PIGU: variants seen among roughly 807,000 people sequenced by gnomAD.
PIGU encodes the protein phosphatidylinositol glycan anchor biosynthesis class U, also known as GPI-anchor transamidase component PIGU.
In PIGU, 24 loss-of-function variants were observed where a neutral mutation model predicts 49.9. The ratio of observed to expected loss-of-function variants is 0.48; its 90% CI spans 0.35 to 0.68. The LOEUF is 0.68. Among genes scored for constraint, PIGU ranks in the 30% least tolerant of loss-of-function variants. PIGU has a pLI of 0.01. For missense variants in PIGU, 490 were observed against 532.6 expected (o/e 0.92, Z 0.79); for synonymous variants, 220 against 205.7 (o/e 1.07, Z -0.59).
chr20:34,563,397 G>A (rs1341973947), intron 11 of PIGU, among the ~76,000 whole-genome samples: 2 of 151,722 alleles, frequency 1.3e-5, no homozygotes, highest in East Asian at 1.9e-4. Context: ...GAGAAACCCC[G>A]TCTCTACTAA....
intron 1 of PIGU, among the ~76,000 whole-genome samples, chr20:34,675,071 A>T (rs1987452628): frequency 6.6e-6 from 1 of 151,728 alleles, no homozygotes; most frequent in Admixed American, 6.6e-5. Context: ...CAACATGGAG[A>T]ACCCCTGTCT....
At chr20:34,591,926 G>A (rs1053998699) in intron 7 of PIGU, among the ~76,000 whole-genome samples, 22 of 152,142 alleles carry the variant, frequency 1.4e-4, no homozygotes, top group African/African-American at 5.3e-4. Flanking sequence ...GTTGGCTCAC[G>A]CCTGTAATCC....
At chr20:34,644,312 T>G (rs1048148243) in intron 3 of PIGU, 86 bp from the exon 4 acceptor site, 8 of 1,103,200 alleles carry the variant, frequency 7.3e-6, no homozygotes, top group South Asian at 1.3e-5. Flanking sequence ...AGTTTTGAGA[T>G]AGTGATGGAC....
In PIGU at chr20:34,668,478, AAAAAAGG is replaced by A. The variant is rs1241309110; in HGVS notation, c.130+8471_130+8477del. ...CTCCGTCTCAAAAAAAAAAAAAAAAAAAAAAGGGGGGGGCGGGCGTGCTGGCTCACAC... is the reference window on the plus strand; with the variant it reads ...CTCCGTCTCAAAAAAAAAAAAAAAAAGGGGGGCGGGCGTGCTGGCTCACAC... On this transcript the variant is annotated intron_variant, in intron 1 of 11. Transcript: ENST00000217446. Among the ~76,000 whole-genome samples the A allele has an allele frequency of 2.3e-3, 312 of 134,218 alleles. 5 individuals carry two copies. Among genetic ancestry groups the A allele is most frequent in the African/African-American group, 9.2e-3 (298 of 32,296 alleles). The allele number at this position is 134,218 out of a possible 152,430, so 88.1% of individuals were successfully genotyped here.
chr20:34,589,649 C>CTTTTT (rs34119895), intron 7 of PIGU, among the ~76,000 whole-genome samples: 3 of 53,688 alleles, frequency 5.6e-5, no homozygotes, highest in Non-Finnish European at 9.5e-5. Flanking sequence ...CTGCACCTGG[C>CTTTTT]TTTTTTTTTT....
intron 6 of PIGU, among the ~76,000 whole-genome samples, chr20:34,628,860 T>C (rs922211687): frequency 6.6e-6 from 1 of 151,888 alleles, no homozygotes; most frequent in Admixed American, 6.6e-5. Flanking sequence ...AAAAACAAGA[T>C]AGATCAGACA....
intron 2 of PIGU, among the ~76,000 whole-genome samples, chr20:34,650,408 C>T (rs924182360): frequency 2.0e-5 from 3 of 151,794 alleles, no homozygotes; most frequent in African/African-American, 7.3e-5. Context: ...GTAGCTGGAA[C>T]TACAGGCACA....
intron 11 of PIGU, among the ~76,000 whole-genome samples, chr20:34,567,312 C>T (rs1218680190): frequency 6.6e-6 from 1 of 152,214 alleles, no homozygotes; most frequent in Non-Finnish European, 1.5e-5. Context: ...GAAAACTCCA[C>T]CCTCCAGCTC....
chr20:34,630,529 C>T lies in PIGU; in HGVS notation c.529+4086G>A, dbSNP rs150522677. Among the ~76,000 whole-genome samples, 11 of 152,250 alleles carry T rather than the reference C, an allele frequency of 7.2e-5. No individual in the cohort carries two copies. The East Asian group carries it at 1.3e-3, about 19-fold the overall frequency. ...AGATGATGACATTTGTAAATGCCCCCGACCCAAAGAAAGAGGCCAGCCCAC... is the reference window on the plus strand; with the variant it reads ...AGATGATGACATTTGTAAATGCCCCTGACCCAAAGAAAGAGGCCAGCCCAC... On this transcript the variant is annotated intron_variant, in intron 6 of 11. Transcript: ENST00000217446.
At chr20:34,643,521 G>A (rs968549632) in intron 4 of PIGU, 4 of 152,192 alleles carry the variant, frequency 2.6e-5, no homozygotes, top group African/African-American at 7.2e-5. Flanking sequence ...GTGGCTCCCA[G>A]CCAATCAAGG....
intron 10 of PIGU, among the ~76,000 whole-genome samples, chr20:34,578,797 T>C (rs1983339957): frequency 6.6e-6 from 1 of 152,072 alleles, no homozygotes; most frequent in African/African-American, 2.4e-5. Flanking sequence ...AGACCTGGGG[T>C]ACGGGACAGC....
chr20:34,659,110 G>A (rs1238807655), intron 1 of PIGU, among the ~76,000 whole-genome samples: 123 of 130,552 alleles, frequency 9.4e-4, no homozygotes, highest in African/African-American at 2.9e-3. Context: ...CAGCCGCCCC[G>A]TCCGGGAGGT....
chr20:34,574,512 C>A (rs923808909), intron 11 of PIGU, among the ~76,000 whole-genome samples: 5 of 152,148 alleles, frequency 3.3e-5, no homozygotes, highest in African/African-American at 4.8e-5. Context: ...GAGCTCCTTG[C>A]TGGTACTCCT....
Position 34,560,779 on chromosome 20 carries a change from G to T in PIGU, c.*87C>A. 1 of 1,009,798 alleles carries T rather than the reference G, an allele frequency of 9.9e-7. No homozygotes were observed. Among genetic ancestry groups the T allele is most frequent in the African/African-American group, 1.7e-5 (1 of 59,832 alleles). 62.6% of individuals were successfully genotyped at this position (1,009,798 alleles called of 1,614,324 possible). ...TCGAACCTCTTCTGCCCAAGCACTC[G>T]CCTGCTGGCAACTCTGGCTGGAGGG... On this transcript the variant is annotated 3_prime_UTR_variant, in exon 12 of 12. Coordinates refer to ENST00000217446, the MANE Select transcript of PIGU (RefSeq NM_080476.5).
chr20:34,646,440 G>A (rs750727885), intron 2 of PIGU, among the ~76,000 whole-genome samples: 4 of 152,026 alleles, frequency 2.6e-5, no homozygotes, highest in Non-Finnish European at 5.9e-5. Flanking sequence ...ATGGAGTCTC[G>A]CTCTGTCACC....
chr20:34,631,439 T>C (rs1985705308), intron 6 of PIGU, among the ~76,000 whole-genome samples: 2 of 151,856 alleles, frequency 1.3e-5, no homozygotes, highest in Non-Finnish European at 2.9e-5. Flanking sequence ...CTAGTTTCCA[T>C]ATTGAAAGGG....
intron 8 of PIGU, among the ~76,000 whole-genome samples, chr20:34,587,721 A>T (rs569841671): frequency 1.3e-5 from 2 of 152,362 alleles, no homozygotes; most frequent in South Asian, 4.1e-4. Context: ...TTTAGAGTCC[A>T]CATATAAGTG....
At chr20:34,583,322 C>T (rs181443040) in intron 9 of PIGU, among the ~76,000 whole-genome samples, 91 of 152,284 alleles carry the variant, frequency 6.0e-4, no homozygotes, top group Admixed American at 2.8e-3. Context: ...GGTGAAAATG[C>T]GGTGACAAAA....
intron 11 of PIGU, among the ~76,000 whole-genome samples, chr20:34,570,173 G>C (rs1194040633): frequency 6.6e-6 from 1 of 152,162 alleles, no homozygotes; most frequent in Non-Finnish European, 1.5e-5. Context: ...TCTCACATAT[G>C]AGCAAGGAAA....
Sources: allele counts gnomAD v4.1 joint callset (sites outside exome capture counted in the v4.1 genomes callset), GRCh38; gene constraint gnomAD v4.1.1; transcripts MANE v1.5; gene names NCBI Gene and HGNC (gene_info 2026-07-23, HGNC 2026-07-21).